RBFOX1: variants seen among roughly 807,000 people sequenced by gnomAD.
RBFOX1 encodes the protein RNA binding fox-1 homolog 1.
Under a neutral mutation model 57.7 loss-of-function variants are expected in RBFOX1, and 8 were observed. The observed-to-expected ratio is 0.14, with a 90% CI of 0.08 to 0.25. RBFOX1 has a LOEUF of 0.25. Ranked by LOEUF, RBFOX1 falls within the 10% of genes least tolerant of loss-of-function variation. The pLI is 1.00. For missense variants in RBFOX1, 611 were observed against 548.5 expected (o/e 1.11, Z -1.14); for synonymous variants, 326 against 222.4 (o/e 1.47, Z -4.15).
At chr16:7,238,607 A>G (rs11640060) in intron 4 of RBFOX1, among the ~76,000 whole-genome samples, 42,637 of 152,098 alleles carry the variant, frequency 0.28, 6,594 homozygotes, top group Middle Eastern at 0.46. Flanking sequence ...TGAATCTCCA[A>G]TAAAATGAAT....
At chr16:6,224,207 A>G (rs570458148) in intron 1 of RBFOX1, among the ~76,000 whole-genome samples, 3 of 128,768 alleles carry the variant, frequency 2.3e-5, no homozygotes, top group Non-Finnish European at 3.4e-5. Context: ...TTCCATATGA[A>G]CTTTAAAGTA....
Position 5,918,207 on chromosome 16 carries a change from C to T in RBFOX1, c.351+50872C>T, listed in dbSNP as rs575468648. ...CAATCTCAGGTCACTGCAACCTCTG[C>T]CTCCCAGGTTCAAGTGATTCTCCTG... On this transcript the variant is annotated intron_variant, in intron 4 of 19. Coordinates refer to the RBFOX1 transcript ENST00000641259. 2.0e-4 allele frequency among the ~76,000 whole-genome samples: 30 copies of T among 152,264 alleles called. No individual in the cohort carries two copies. The South Asian group carries it at 6.2e-3, about 32-fold the overall frequency.
At chr16:7,456,728 G>A (rs34658804) in intron 4 of RBFOX1, among the ~76,000 whole-genome samples, 3,377 of 152,096 alleles carry the variant, frequency 0.022, 40 homozygotes, top group Non-Finnish European at 0.036. Flanking sequence ...CCGTAGAATC[G>A]CCACCTATGG....
chr16:6,838,227 G>A (rs957955491), intron 3 of RBFOX1, among the ~76,000 whole-genome samples: 23 of 151,666 alleles, frequency 1.5e-4, no homozygotes, highest in African/African-American at 4.1e-4. Context: ...CCTTCCCTGT[G>A]TCCATGTGTT....
At chr16:6,870,306 C>G (rs2060646493) in intron 3 of RBFOX1, among the ~76,000 whole-genome samples, 2 of 152,080 alleles carry the variant, frequency 1.3e-5, no homozygotes, top group Non-Finnish European at 2.9e-5. Context: ...TGTTTGTCAG[C>G]ACTACTGAAA....
chr16:6,941,296 C>CCT (rs1567990398), intron 3 of RBFOX1, among the ~76,000 whole-genome samples: 215 of 64,654 alleles, frequency 3.3e-3, no homozygotes, highest in South Asian at 0.012. Flanking sequence ...CCTTCCCTCC[C>CCT]TCCCTCCTTC....
intron 3 of RBFOX1, among the ~76,000 whole-genome samples, chr16:5,821,189 C>T (rs190933519): frequency 1.3e-5 from 2 of 151,600 alleles, no homozygotes; most frequent in Non-Finnish European, 2.9e-5. Context: ...TGGGAGATAA[C>T]ATGGGGGGCT....
chr16:7,326,984 A>G (rs1475100924), intron 4 of RBFOX1, among the ~76,000 whole-genome samples: 1 of 152,178 alleles, frequency 6.6e-6, no homozygotes. Context: ...AAGAAATGGC[A>G]TACTTCCTTA....
chr16:5,487,218 A>G (rs367889392), intron 2 of RBFOX1, among the ~76,000 whole-genome samples: 1 of 152,156 alleles, frequency 6.6e-6, no homozygotes, highest in East Asian at 1.9e-4. Flanking sequence ...TTATCTGGCT[A>G]TTGTCCAAGT....
At chr16:7,642,463 CT>C (rs2062996382) in intron 11 of RBFOX1, among the ~76,000 whole-genome samples, 1 of 152,150 alleles carries the variant, frequency 6.6e-6, no homozygotes, top group South Asian at 2.1e-4. Flanking sequence ...CGTCAGACCC[CT>C]CTGAAGGCTT....
rs143429328 is a variant in RBFOX1, at chr16:7,492,295, G to C, written c.28-25852G>C. Among the ~76,000 whole-genome samples, 298 of 152,118 alleles carry C rather than the reference G, an allele frequency of 2.0e-3. 1 individual carries two copies. The highest frequency in any genetic ancestry group is 6.9e-3 in the African/African-American group (288 of 41,484). On this transcript the variant is annotated intron_variant, in intron 4 of 15. Coordinates refer to ENST00000550418, the MANE Select transcript of RBFOX1 (RefSeq NM_018723.4). ...AGAGAGAATGCTAAGCAAGTTTTTT[G>C]TTTCTGTCCTTGGTGCTGAAAAAAA... is the stretch of plus-strand genomic sequence containing the variant.
chr16:5,611,017 C>T (rs1372811305), intron 3 of RBFOX1, among the ~76,000 whole-genome samples: 7 of 152,238 alleles, frequency 4.6e-5, no homozygotes, highest in Admixed American at 4.6e-4. Flanking sequence ...GATGTGGCCT[C>T]TGTGTCTCTC....
Position 6,500,285 on chromosome 16 carries a change from G to T in RBFOX1, c.-63-154318G>T, listed in dbSNP as rs76878488. On this transcript the variant is annotated intron_variant, in intron 2 of 15. Transcript: ENST00000550418. ...CTTTAGCAAGAAGACCATCATCTGT[G>T]TTCAACACACCATGCTTCAAGGTAT... Among the ~76,000 whole-genome samples, 1,374 of 152,200 alleles carry T rather than the reference G, an allele frequency of 9.0e-3. 13 individuals carry two copies. Among genetic ancestry groups the T allele is most frequent in the East Asian group, 0.026 (134 of 5,170 alleles).
At chr16:6,815,931 A>T (rs1353457658) in intron 3 of RBFOX1, among the ~76,000 whole-genome samples, 1 of 152,204 alleles carries the variant, frequency 6.6e-6, no homozygotes, top group Non-Finnish European at 1.5e-5. Flanking sequence ...TGTCTTGAGA[A>T]GTAAGAAACT....
chr16:7,576,107 T>C (rs1053896405), intron 5 of RBFOX1, among the ~76,000 whole-genome samples: 6 of 151,730 alleles, frequency 4.0e-5, no homozygotes, highest in Admixed American at 6.6e-5. Flanking sequence ...TTTTTTTTTT[T>C]TTTAATTTAT....
At chr16:6,589,283 A>G (rs2097676276) in intron 2 of RBFOX1, among the ~76,000 whole-genome samples, 1 of 152,202 alleles carries the variant, frequency 6.6e-6, no homozygotes, top group African/African-American at 2.4e-5. Flanking sequence ...AGACAGGGAA[A>G]TTGCAATAGA....
intron 1 of RBFOX1, among the ~76,000 whole-genome samples, chr16:5,441,589 T>C (rs1375972053): frequency 2.0e-5 from 3 of 152,138 alleles, no homozygotes; most frequent in Admixed American, 6.5e-5. Context: ...GCTCTTGAAC[T>C]CCTGGCCTTA....
At chr16:5,598,859 C>G (rs79513239) in intron 2 of RBFOX1, 18,902 of 1,421,908 alleles carry the variant, frequency 0.013, 570 homozygotes, top group African/African-American at 0.12. Context: ...TTCCTCAACC[C>G]GGCTTCCCCA....
chr16:6,246,931 G>A (rs1221434795), intron 1 of RBFOX1, among the ~76,000 whole-genome samples: 1 of 152,166 alleles, frequency 6.6e-6, no homozygotes, highest in Non-Finnish European at 1.5e-5. Flanking sequence ...CTAGCCAGGT[G>A]TGGTGGCAGA....
Sources: gnomAD v4.1 joint callset for allele counts (sites outside exome capture counted in the v4.1 genomes callset) on GRCh38, gnomAD v4.1.1 for gene constraint, MANE v1.5 for transcripts, NCBI Gene and HGNC (gene_info 2026-07-23, HGNC 2026-07-21) for gene names.